Variants in CSF3R observed in about 807,000 individuals in gnomAD.
CSF3R encodes granulocyte colony-stimulating factor receptor.
Under a neutral mutation model 84.4 loss-of-function variants are expected in CSF3R, and 52 were observed. That is an observed-to-expected ratio of 0.62 (90% confidence interval 0.49 to 0.78). The LOEUF (loss-of-function observed/expected upper bound fraction) is 0.78. CSF3R is among the 30% of genes least tolerant of loss of function. The probability of loss-of-function intolerance (pLI) is 0.00; values close to 1 mark genes in which losing one functional copy is unlikely to be tolerated. For missense variants in CSF3R, 890 were observed against 1,055.7 expected, an observed-to-expected ratio of 0.84 and a Z score of 2.17; for synonymous variants, 384 against 429.1, an observed-to-expected ratio of 0.89 and a Z score of 1.30.
chr1:36,466,277 T>G lies in CSF3R; in HGVS notation c.*80A>C. On this transcript the variant is annotated 3_prime_UTR_variant, in exon 17 of 17. Coordinates refer to ENST00000373106, the MANE Select transcript of CSF3R (RefSeq NM_000760.4). This position sits in a 1 kb window ranked among gnomAD's most constrained non-coding sequence, Gnocchi z 4.6. ...CCTGGGCTGGGGTAGTTTTTAGTCATGGGCTTATGGACCCTCCCCTCTTCT... is the reference window on the plus strand; with the variant it reads ...CCTGGGCTGGGGTAGTTTTTAGTCAGGGGCTTATGGACCCTCCCCTCTTCT... 2 of 1,611,966 alleles carry G rather than the reference T, an allele frequency of 1.2e-6. No individual in the cohort carries two copies. The highest frequency in any genetic ancestry group is 1.7e-6 in the Non-Finnish European group (2 of 1,179,306).
At position 36,472,598 on chromosome 1, in the gene CSF3R, C is replaced by T. The variant is rs756531030; in HGVS notation, c.762G>A (p.Glu254=). ...TTATGTGCAGGCCTGGCTGCCATGG[C>T]TCCCAGCACAGCTGTAGGCAGCCTG... ...PQAGCLQLCW[E]PWQPGLHINQ... The change falls in exon 7 of 17, where the codon GAG becomes GAA. Residue 254 remains glutamate (E), a synonymous_variant. Transcript: ENST00000373106. This position sits in a 1 kb window ranked among gnomAD's most constrained non-coding sequence, Gnocchi z 5.0. 13 of 1,613,910 alleles carry T rather than the reference C, an allele frequency of 8.1e-6. No individual in the cohort carries two copies. Among genetic ancestry groups the T allele is most frequent in the Non-Finnish European group, 1.1e-5 (13 of 1,180,022 alleles).
chr1:36,469,548 G>C (rs991350060), intron 11 of CSF3R, 104 bp downstream of exon 11: 58 of 1,338,746 alleles, frequency 4.3e-5, no homozygotes, highest in Non-Finnish European at 6.0e-5. Context: ...AAAGGCTGGA[G>C]AATCCATGTC....
At chr1:36,480,535 C>A (rs1651456696) in intron 2 of CSF3R, among the ~76,000 whole-genome samples, 2 of 152,184 alleles carry the variant, frequency 1.3e-5, no homozygotes, top group African/African-American at 2.4e-5. Flanking sequence ...CTTCACCCTG[C>A]TCCCATTGGG....
Position 36,467,401 on chromosome 1 carries a change from C to G in CSF3R, c.1959-90G>C. 1 of 1,447,588 alleles carries G rather than the reference C, an allele frequency of 6.9e-7. No homozygotes were observed. Among genetic ancestry groups the G allele is most frequent in the Admixed American group, 1.7e-5 (1 of 59,810 alleles). The allele number at this position is 1,447,588 out of a possible 1,614,324, so 89.7% of individuals were successfully genotyped here. A position where few individuals can be genotyped will look rare whatever the true frequency, so the allele number is the denominator to read the frequency against. On this transcript the variant is annotated intron_variant, in intron 15 of 16. Coordinates refer to ENST00000373106, the MANE Select transcript of CSF3R (RefSeq NM_000760.4). The surrounding 1 kb of genome is among the most constrained non-coding windows in gnomAD (Gnocchi z 4.1). ...ACCCACCCCACCTGAAGAGGTGCAGCTGCCCTTAGTGCAGAGAGAAGAAGC... is the reference window on the plus strand; with the variant it reads ...ACCCACCCCACCTGAAGAGGTGCAGGTGCCCTTAGTGCAGAGAGAAGAAGC...
In CSF3R at chr1:36,473,562, C is replaced by G; in HGVS notation, c.546G>C (p.Gly182=). The change falls in exon 6 of 17, where the codon GGG becomes GGC. Residue 182 remains glycine (G), a synonymous_variant. Transcript: ENST00000373106. ...TGCGTGGGATGCAGCAGTGGCTCTG[C>G]CCGTCCTTGGGCACGCAGTCCAGGA... ...DSILDCVPKD[G]QSHCCIPRKH... is the part of the protein sequence containing the mutation. The G allele has an allele frequency of 6.2e-7, 1 of 1,614,148 alleles. No individual in the cohort carries two copies.
In CSF3R at chr1:36,475,725, G is replaced by A. The variant is rs778962752; in HGVS notation, c.65-52C>T. ...ACGACGCCTCTGCCTAGCAGAGCTG[G>A]GCTATAATCTAGGCCTTTGTACTCC... On this transcript the variant is annotated intron_variant, in intron 3 of 16. Transcript: ENST00000373106. 3 of 1,559,772 alleles carry A rather than the reference G, an allele frequency of 1.9e-6. No homozygotes were observed. In the South Asian group the frequency reaches 3.5e-5, roughly 18 times the overall value.
chr1:36,467,273 G>A lies in CSF3R; in HGVS notation c.1997C>T (p.Ala666Val). ...CACCCAGGAGCCCAGGCTGCTGTGA[G>A]CTGGGTCTGGGACACTTGGCCAGAG... ...NPLWPSVPDP[A>V]HSSLGSWVPT... Residue 666 changes from alanine to valine, a missense_variant, in exon 16 of 17, where the codon GCT (alanine) becomes GTT (valine). By Grantham distance (64) the Ala-to-Val change is moderately conservative (BLOSUM62 0). Coordinates refer to ENST00000373106, the MANE Select transcript of CSF3R (RefSeq NM_000760.4). The surrounding 1 kb of genome is among the most constrained non-coding windows in gnomAD (Gnocchi z 4.1). 6.2e-7 allele frequency: 1 copy of A among 1,614,244 alleles called. No homozygotes were observed. Among genetic ancestry groups the A allele is most frequent in the Non-Finnish European group, 8.5e-7 (1 of 1,180,044 alleles).
At chr1:36,480,245 C>A (rs1651438590) in intron 2 of CSF3R, among the ~76,000 whole-genome samples, 1 of 152,196 alleles carries the variant, frequency 6.6e-6, no homozygotes, top group South Asian at 2.1e-4. Flanking sequence ...CAGGGACACT[C>A]CCTGGAAGAA....
In CSF3R at chr1:36,474,792, G is replaced by A. The variant is rs75902256; in HGVS notation, c.361+585C>T. Reference sequence around the variant, plus strand: ...TCAGATGGCTGAGGACTTGGGCTATGTAGAGTAGTGGTCACAACACTGGCT... The same window carrying A: ...TCAGATGGCTGAGGACTTGGGCTATATAGAGTAGTGGTCACAACACTGGCT... On this transcript the variant is annotated intron_variant, in intron 4 of 16. Transcript: ENST00000373106. 2.1e-4 allele frequency among the ~76,000 whole-genome samples: 32 copies of A among 152,242 alleles called. No individual in the cohort carries two copies. In the East Asian group the frequency reaches 5.6e-3, roughly 27 times the overall value.
At chr1:36,468,993 C>T (rs1650526645) in intron 12 of CSF3R, 163 bp downstream of exon 12, 1 of 649,364 alleles carries the variant, frequency 1.5e-6, no homozygotes, top group Non-Finnish European at 2.8e-6. Context: ...TTCTGTCCAG[C>T]TGTAGGGATC....
At chr1:36,471,342 C>G in intron 10 of CSF3R, 91 bp downstream of exon 10, 1 of 1,309,386 alleles carries the variant, frequency 7.6e-7, no homozygotes. Flanking sequence ...CCACTGCGCC[C>G]GGCCAATAGG....
Position 36,467,093 on chromosome 1 carries a change from G to A in CSF3R, c.2040+137C>T, listed in dbSNP as rs530839122. ...TGGACAGAGGTGGGATTCAAAGTTG[G>A]GTCTGCTTCAGTCCAAAGGGACGAG... On this transcript the variant is annotated intron_variant, in intron 16 of 16. Coordinates refer to ENST00000373106, the MANE Select transcript of CSF3R (RefSeq NM_000760.4). This position sits in a 1 kb window ranked among gnomAD's most constrained non-coding sequence, Gnocchi z 4.1. 4.8e-6 allele frequency: 6 copies of A among 1,249,496 alleles called. No individual in the cohort carries two copies. In the East Asian group the frequency reaches 1.5e-4, roughly 31 times the overall value. 77.4% of individuals were successfully genotyped at this position (1,249,496 alleles called of 1,614,324 possible).
rs1252746662 is a variant in CSF3R at position 36,466,961 on chromosome 1, C to G, written c.2041-134G>C. On this transcript the variant is annotated intron_variant, in intron 16 of 16. Transcript: ENST00000373106. This position sits in a 1 kb window ranked among gnomAD's most constrained non-coding sequence, Gnocchi z 4.6. ...GGTGGAACACAAAGGGTACCACTTG[C>G]AAAGCACTAGTATGTTCCTCACACA... is the stretch of plus-strand genomic sequence containing the variant. 2 of 1,600,446 alleles carry G rather than the reference C, an allele frequency of 1.2e-6. No individual in the cohort carries two copies. The highest frequency in any genetic ancestry group is 1.7e-6 in the Non-Finnish European group (2 of 1,172,494).
Position 36,466,113 on chromosome 1 carries a change from T to C in CSF3R, c.*244A>G, listed in dbSNP as rs534697692. ...AAACTAGTTTACAATACTGAAGTTA[T>C]AGGAAACAAGCACAAAAGGCCATTG... On this transcript the variant is annotated 3_prime_UTR_variant, in exon 17 of 17. Coordinates refer to ENST00000373106, the MANE Select transcript of CSF3R (RefSeq NM_000760.4). The surrounding 1 kb of genome is among the most constrained non-coding windows in gnomAD (Gnocchi z 4.6). 36 of 1,614,052 alleles carry C rather than the reference T, an allele frequency of 2.2e-5. 1 individual carries two copies. The South Asian group carries it at 2.7e-4, about 12-fold the overall frequency.
chr1:36,476,240 T>C (rs1181965204), intron 3 of CSF3R: 1 of 153,034 alleles, frequency 6.5e-6, no homozygotes, highest in Non-Finnish European at 1.5e-5. Context: ...TGAGTGTGGA[T>C]GTTGGAACTA....
At chr1:36,482,282 T>C (rs1010192032) in intron 1 of CSF3R, among the ~76,000 whole-genome samples, 4 of 134,416 alleles carry the variant, frequency 3.0e-5, no homozygotes, top group Non-Finnish European at 4.7e-5. Flanking sequence ...AAGGGCCCAA[T>C]GTACGCCGAC....
Position 36,472,007 on chromosome 1 carries a change from G to A in CSF3R, c.1071+59C>T. On this transcript the variant is annotated intron_variant, in intron 9 of 16. Transcript: ENST00000373106. This position sits in a 1 kb window ranked among gnomAD's most constrained non-coding sequence, Gnocchi z 5.0. ...TGGAGTCCTAAGCCCCGGTTTGTAG[G>A]GATCTGTTTGGACTGCGGGAGGTGT... 2.6e-6 allele frequency: 4 copies of A among 1,544,628 alleles called. No individual in the cohort carries two copies. Among genetic ancestry groups the A allele is most frequent in the Non-Finnish European group, 8.9e-7 (1 of 1,122,992 alleles).
rs144754091 is a variant in CSF3R, at chr1:36,467,645, G to C, written c.1871C>G (p.Ser624Trp). The C allele has an allele frequency of 6.2e-7, 1 of 1,614,114 alleles. No homozygotes were observed. The highest frequency in any genetic ancestry group is 8.5e-7 in the Non-Finnish European group (1 of 1,180,014). ...CAGGCCCAGGATGATGTGTAGCTCC[G>C]ACCCCTCTGCAGTGAGGGCAGGGCC... ...LTLMTLTPEGSELHIILGLFG... is the reference protein window; with the variant it reads ...LTLMTLTPEGWELHIILGLFG... Residue 624 changes from serine (S) to tryptophan (W), a missense_variant, in exon 15 of 17, where the codon TCG (serine) becomes TGG (tryptophan). Coordinates refer to ENST00000373106, the MANE Select transcript of CSF3R (RefSeq NM_000760.4). This position sits in a 1 kb window ranked among gnomAD's most constrained non-coding sequence, Gnocchi z 4.1.
At chr1:36,471,400 C>A (rs1008373693) in intron 10 of CSF3R, 33 bp downstream of exon 10, 2 of 1,596,216 alleles carry the variant, frequency 1.3e-6, no homozygotes, top group South Asian at 1.1e-5. Context: ...TGCGCTTGAC[C>A]TCTGTGCTCT....
Sources: allele counts gnomAD v4.1 joint callset (sites outside exome capture counted in the v4.1 genomes callset), GRCh38; gene constraint gnomAD v4.1.1; non-coding constraint Gnocchi (gnomAD v3.1); transcripts MANE v1.5; gene names NCBI Gene and HGNC (gene_info 2026-07-23, HGNC 2026-07-21).